The following NKAIN2 variants were observed in gnomAD, a reference collection of about 807,000 sequenced individuals.
NKAIN2 encodes the protein sodium/potassium-transporting ATPase subunit beta-1-interacting protein 2.
Under a neutral mutation model 32.6 loss-of-function variants are expected in NKAIN2, and 14 were observed. The observed-to-expected ratio is 0.43, with a 90% CI of 0.28 to 0.67. The LOEUF (loss-of-function observed/expected upper bound fraction) is 0.67. NKAIN2 is among the 30% of genes least tolerant of loss of function. NKAIN2 has a pLI of 0.17. For missense variants in NKAIN2, 198 were observed against 258.3 expected (o/e 0.77, Z 1.60); for synonymous variants, 80 against 87.2 (o/e 0.92, Z 0.46).
chr6:124,057,679 C>G (rs1473548553), intron 1 of NKAIN2, among the ~76,000 whole-genome samples: 1 of 151,638 alleles, frequency 6.6e-6, no homozygotes, highest in Non-Finnish European at 1.5e-5. Flanking sequence ...AAATAGACAG[C>G]CACTGTTAAA....
intron 2 of NKAIN2, among the ~76,000 whole-genome samples, chr6:124,284,969 C>G (rs1026371848): frequency 6.6e-6 from 1 of 152,012 alleles, no homozygotes; most frequent in Non-Finnish European, 1.5e-5. Flanking sequence ...TGAATAAAGA[C>G]GTACCACAGA....
intron 1 of NKAIN2, among the ~76,000 whole-genome samples, chr6:124,133,102 G>A (rs1027559319): frequency 3.9e-5 from 6 of 152,162 alleles, no homozygotes; most frequent in Non-Finnish European, 5.9e-5. Flanking sequence ...TGGAGAAGGG[G>A]TACTTATTCC....
chr6:124,425,094 G>A (rs1268553455), intron 3 of NKAIN2, among the ~76,000 whole-genome samples: 2 of 152,112 alleles, frequency 1.3e-5, no homozygotes, highest in Non-Finnish European at 2.9e-5. Context: ...GAAAAAGATC[G>A]TTGCAACAAT....
At chr6:124,339,056 T>C (rs2115075514) in intron 2 of NKAIN2, among the ~76,000 whole-genome samples, 1 of 152,226 alleles carries the variant, frequency 6.6e-6, no homozygotes, top group East Asian at 1.9e-4. Flanking sequence ...ACCCAGTGGC[T>C]CACGGGCTGG....
At chr6:124,587,701 A>C (rs746095957) in intron 3 of NKAIN2, among the ~76,000 whole-genome samples, 6 of 152,212 alleles carry the variant, frequency 3.9e-5, no homozygotes, top group African/African-American at 1.2e-4. Context: ...CAGGTAGACC[A>C]CAAGAGACGG....
chr6:124,786,690 A>G (rs1206758442), intron 4 of NKAIN2, among the ~76,000 whole-genome samples: 2 of 152,156 alleles, frequency 1.3e-5, no homozygotes, highest in African/African-American at 2.4e-5. Flanking sequence ...AGATAAATAA[A>G]AAAAAAATTA....
chr6:124,316,344 A>G (rs2115013072), intron 2 of NKAIN2, among the ~76,000 whole-genome samples: 1 of 152,234 alleles, frequency 6.6e-6, no homozygotes, highest in South Asian at 2.1e-4. Context: ...AGCTCTCATA[A>G]CTACATGTAT....
intron 1 of NKAIN2, among the ~76,000 whole-genome samples, chr6:123,858,308 G>A (rs527611636): frequency 7.2e-5 from 11 of 152,030 alleles, no homozygotes; most frequent in African/African-American, 2.4e-4. Context: ...TAGAGACAGA[G>A]TTTCGTCATG....
chr6:123,990,713 C>T (rs951036449), intron 1 of NKAIN2, among the ~76,000 whole-genome samples: 31 of 152,184 alleles, frequency 2.0e-4, no homozygotes, highest in African/African-American at 6.8e-4. Context: ...ATAACCACTA[C>T]TTAGTAGTTG....
chr6:124,369,542 G>C (rs1302573266), intron 3 of NKAIN2, among the ~76,000 whole-genome samples: 1 of 152,024 alleles, frequency 6.6e-6, no homozygotes, highest in African/African-American at 2.4e-5. Context: ...TTTTGTGTGT[G>C]ATTTATGTTT....
chr6:124,178,471 G>A (rs1409221929), intron 1 of NKAIN2, among the ~76,000 whole-genome samples: 3 of 151,944 alleles, frequency 2.0e-5, no homozygotes, highest in African/African-American at 7.2e-5. Context: ...CTAATTTTTT[G>A]TATTTTTAGT....
chr6:124,570,554 A>G (rs2114916261), intron 3 of NKAIN2, among the ~76,000 whole-genome samples: 1 of 152,336 alleles, frequency 6.6e-6, no homozygotes, highest in East Asian at 1.9e-4. Context: ...AGAGGGTGGA[A>G]GCCCCAGGCA....
chr6:124,358,931 T>C (rs1311474153), intron 3 of NKAIN2, among the ~76,000 whole-genome samples: 8 of 151,326 alleles, frequency 5.3e-5, no homozygotes, highest in Non-Finnish European at 7.4e-5. Context: ...CTTTAATCCA[T>C]CTTGAATTAA....
intron 4 of NKAIN2, among the ~76,000 whole-genome samples, chr6:124,779,101 G>C (rs973574248): frequency 6.6e-6 from 1 of 151,966 alleles, no homozygotes; most frequent in Admixed American, 6.6e-5. Context: ...TTAGCTGGGC[G>C]TGGTGGCACA....
intron 3 of NKAIN2, among the ~76,000 whole-genome samples, chr6:124,543,325 A>G (rs1779976736): frequency 6.6e-6 from 1 of 152,202 alleles, no homozygotes; most frequent in East Asian, 1.9e-4. Context: ...CTTTACAAGC[A>G]CATCATAAAA....
At chr6:124,299,123 C>A (rs995644013) in intron 2 of NKAIN2, among the ~76,000 whole-genome samples, 3 of 152,158 alleles carry the variant, frequency 2.0e-5, no homozygotes, top group African/African-American at 4.8e-5. Flanking sequence ...GAGTCTACTG[C>A]TACTCAGAGA....
intron 3 of NKAIN2, among the ~76,000 whole-genome samples, chr6:124,389,425 G>A (rs1052037037): frequency 6.6e-6 from 1 of 152,054 alleles, no homozygotes; most frequent in African/African-American, 2.4e-5. Context: ...GGTTTATTCT[G>A]TGTTAAGCAT....
At chr6:124,109,658 G>T (rs540194635) in intron 1 of NKAIN2, among the ~76,000 whole-genome samples, 1 of 152,084 alleles carries the variant, frequency 6.6e-6, no homozygotes, top group Non-Finnish European at 1.5e-5. Flanking sequence ...GAAAGAAGTG[G>T]TGAGAGTGGC....
At chr6:124,634,222 A>T (rs961280033) in intron 3 of NKAIN2, among the ~76,000 whole-genome samples, 1 of 152,224 alleles carries the variant, frequency 6.6e-6, no homozygotes, top group African/African-American at 2.4e-5. Flanking sequence ...TGATACCTCC[A>T]AAGAAACACA....
Sources: gnomAD v4.1 joint callset for allele counts (sites outside exome capture counted in the v4.1 genomes callset) on GRCh38, gnomAD v4.1.1 for gene constraint, MANE v1.5 for transcripts, NCBI Gene and HGNC (gene_info 2026-07-23, HGNC 2026-07-21) for gene names.